GLCCI1: variants seen among roughly 807,000 people sequenced by gnomAD.
The protein encoded by GLCCI1 is glucocorticoid-induced transcript 1 protein.
GLCCI1 carries 24 observed loss-of-function variants against 52.2 expected under a neutral mutation model. The observed-to-expected ratio is 0.46, with a 90% CI of 0.33 to 0.65. GLCCI1 has a LOEUF of 0.65. Ranked by LOEUF, GLCCI1 falls within the 30% of genes least tolerant of loss-of-function variation. The pLI is 0.02. For missense variants in GLCCI1, 704 were observed against 701.5 expected, an observed-to-expected ratio of 1.00 and a Z score of -0.04; for synonymous variants, 310 against 276.5, an observed-to-expected ratio of 1.12 and a Z score of -1.20.
At chr7:8,061,104 T>G (rs1437380665) in intron 5 of GLCCI1, among the ~76,000 whole-genome samples, 1 of 150,484 alleles carries the variant, frequency 6.6e-6, no homozygotes, top group Non-Finnish European at 1.5e-5. Flanking sequence ...TAGTGATCTT[T>G]TTTTTTTTTT....
At chr7:8,068,387 C>T (rs929908821) in intron 5 of GLCCI1, among the ~76,000 whole-genome samples, 6 of 152,144 alleles carry the variant, frequency 3.9e-5, no homozygotes, top group Admixed American at 3.9e-4. Context: ...GTTCAGAGAA[C>T]CAGTCTTCAA....
At chr7:8,037,253 G>T (rs1323398601) in intron 3 of GLCCI1, among the ~76,000 whole-genome samples, 1 of 152,156 alleles carries the variant, frequency 6.6e-6, no homozygotes, top group Non-Finnish European at 1.5e-5. Flanking sequence ...CTTCTTAAAA[G>T]AAAAAGAAAA....
intron 1 of GLCCI1, chr7:7,981,920 C>T (rs1583943655): frequency 2.2e-6 from 1 of 458,354 alleles, no homozygotes; most frequent in Non-Finnish European, 4.5e-6. Context: ...AGAAGAAAAC[C>T]CATCACTGCT....
chr7:8,042,532 G>A (rs1014201356), intron 3 of GLCCI1, among the ~76,000 whole-genome samples: 10 of 152,216 alleles, frequency 6.6e-5, no homozygotes, highest in African/African-American at 2.4e-4. Flanking sequence ...TGGAACATGG[G>A]CTGGGTGCAG....
At chr7:8,004,303 C>A (rs566357892) in intron 2 of GLCCI1, 2 of 298,106 alleles carry the variant, frequency 6.7e-6, no homozygotes, top group South Asian at 1.4e-4. Flanking sequence ...GTTGTAGACA[C>A]GTTGTAATTT....
At chr7:7,971,767 A>G (rs933870257) in intron 1 of GLCCI1, among the ~76,000 whole-genome samples, 2 of 152,234 alleles carry the variant, frequency 1.3e-5, no homozygotes, top group Non-Finnish European at 1.5e-5. Flanking sequence ...GTAGTGTGGC[A>G]CATACGAGTT....
At chr7:8,008,944 TA>T (rs1031646973) in intron 2 of GLCCI1, among the ~76,000 whole-genome samples, 1 of 151,684 alleles carries the variant, frequency 6.6e-6, no homozygotes, top group African/African-American at 2.4e-5. Context: ...AGTAAAATGT[TA>T]AAAAAAAATT....
chr7:8,018,596 T>C (rs758751743), intron 2 of GLCCI1, among the ~76,000 whole-genome samples: 3 of 152,144 alleles, frequency 2.0e-5, no homozygotes, highest in Non-Finnish European at 4.4e-5. Flanking sequence ...CCCTAGAGGT[T>C]GGAAAGAAAT....
intron 3 of GLCCI1, among the ~76,000 whole-genome samples, chr7:8,026,787 C>A (rs1781631337): frequency 6.6e-6 from 1 of 152,212 alleles, no homozygotes; most frequent in South Asian, 2.1e-4. Context: ...TTTTTATTGG[C>A]AAGCTTTAAA....
At chr7:8,004,918 C>T (rs1425183120) in intron 2 of GLCCI1, among the ~76,000 whole-genome samples, 1 of 152,174 alleles carries the variant, frequency 6.6e-6, no homozygotes, top group Non-Finnish European at 1.5e-5. Context: ...GAGTTTTGGA[C>T]ATGATCTGTA....
chr7:8,080,562 T>C (rs749527813), intron 6 of GLCCI1, among the ~76,000 whole-genome samples: 8 of 151,586 alleles, frequency 5.3e-5, no homozygotes, highest in Non-Finnish European at 1.0e-4. Context: ...GTTATAAACC[T>C]GGACAACCTG....
chr7:8,076,668 T>C (rs1782882507), intron 6 of GLCCI1, among the ~76,000 whole-genome samples: 1 of 152,224 alleles, frequency 6.6e-6, no homozygotes, highest in Non-Finnish European at 1.5e-5. Context: ...CAGTTTAGAA[T>C]ATAAGCAAAT....
chr7:8,030,830 A>G (rs551709994), intron 3 of GLCCI1, among the ~76,000 whole-genome samples: 73 of 152,278 alleles, frequency 4.8e-4, no homozygotes, highest in African/African-American at 1.6e-3. Context: ...CAAAACTGCA[A>G]TGAGGTATCA....
At chr7:8,026,607 G>A (rs554286182) in intron 3 of GLCCI1, among the ~76,000 whole-genome samples, 58 of 152,370 alleles carry the variant, frequency 3.8e-4, no homozygotes, top group South Asian at 3.7e-3. Context: ...CAGAATCTGT[G>A]CACTTTGGGG....
At chr7:7,973,166 T>C (rs1259277379) in intron 1 of GLCCI1, among the ~76,000 whole-genome samples, 1 of 152,074 alleles carries the variant, frequency 6.6e-6, no homozygotes, top group Non-Finnish European at 1.5e-5. Context: ...CAAATAGTTA[T>C]TTTTTTGTAA....
chr7:8,069,761 AC>A (rs1475033375), intron 5 of GLCCI1, among the ~76,000 whole-genome samples: 3 of 152,218 alleles, frequency 2.0e-5, no homozygotes, highest in African/African-American at 4.8e-5. Flanking sequence ...AAATATTGAT[AC>A]ATTTTGAATT....
At chr7:8,022,017 C>T (rs1781502580) in intron 2 of GLCCI1, among the ~76,000 whole-genome samples, 2 of 152,128 alleles carry the variant, frequency 1.3e-5, no homozygotes, top group East Asian at 3.8e-4. Context: ...AATACTTACT[C>T]TTCCCCAAGC....
intron 1 of GLCCI1, among the ~76,000 whole-genome samples, chr7:7,989,196 C>A (rs1170811239): frequency 6.6e-6 from 1 of 152,146 alleles, no homozygotes; most frequent in African/African-American, 2.4e-5. Flanking sequence ...TAGCGGCTAG[C>A]ATTACCACCC....
intron 2 of GLCCI1, among the ~76,000 whole-genome samples, chr7:8,017,850 C>A (rs1332572674): frequency 6.6e-6 from 1 of 152,166 alleles, no homozygotes; most frequent in African/African-American, 2.4e-5. Flanking sequence ...AGGATAATTA[C>A]ACTAGAACCA....
Sources: allele counts gnomAD v4.1 joint callset (sites outside exome capture counted in the v4.1 genomes callset), GRCh38; gene constraint gnomAD v4.1.1; transcripts MANE v1.5; gene names NCBI Gene and HGNC (gene_info 2026-07-23, HGNC 2026-07-21).